RANBP10: variants seen among roughly 807,000 people sequenced by gnomAD.
The protein encoded by RANBP10 is RAN binding protein 10.
RANBP10 carries 24 observed loss-of-function variants against 72.8 expected under a neutral mutation model. The observed-to-expected ratio is 0.33, with a 90% CI of 0.24 to 0.46. RANBP10 has a LOEUF of 0.46. Among genes scored for constraint, RANBP10 ranks in the 20% least tolerant of loss-of-function variants. The probability of loss-of-function intolerance (pLI) is 1.00; values close to 1 mark genes in which losing one functional copy is unlikely to be tolerated. For synonymous variants in RANBP10, 310 were observed against 322.3 expected (o/e 0.96, Z 0.41); for missense variants, 679 against 817.5 (o/e 0.83, Z 2.07).
intron 2 of RANBP10, among the ~76,000 whole-genome samples, chr16:67,777,687 C>A (rs73591976): frequency 0.14 from 21,476 of 152,138 alleles, 1,728 homozygotes; most frequent in African/African-American, 0.21. Context: ...GTTAAGATGT[C>A]AATACTACCC....
At chr16:67,782,141 T>C (rs1005051022) in intron 2 of RANBP10, among the ~76,000 whole-genome samples, 8 of 152,224 alleles carry the variant, frequency 5.3e-5, no homozygotes, top group South Asian at 2.1e-4. Flanking sequence ...TTTTAATTTC[T>C]ATTTTTAGTT....
At chr16:67,792,146 C>T (rs1477480059) in intron 2 of RANBP10, among the ~76,000 whole-genome samples, 2 of 152,056 alleles carry the variant, frequency 1.3e-5, no homozygotes, top group African/African-American at 2.4e-5. Context: ...CAACCATACC[C>T]GCCCCTGCCC....
chr16:67,764,408 T>C (rs1291236223), intron 3 of RANBP10, among the ~76,000 whole-genome samples: 1 of 152,006 alleles, frequency 6.6e-6, no homozygotes, highest in Non-Finnish European at 1.5e-5. Flanking sequence ...CTAACAACAC[T>C]GAGACTCAGT....
rs1394195166 is a variant in RANBP10, at chr16:67,723,735, T to C, written c.*2693A>G. 1.3e-5 allele frequency: 2 copies of C among 152,286 alleles called. No individual in the cohort carries two copies. The highest frequency in any genetic ancestry group is 4.8e-5 in the African/African-American group (2 of 41,452). 9.4% of individuals were successfully genotyped at this position (152,286 alleles called of 1,614,324 possible). A position where few individuals can be genotyped will look rare whatever the true frequency, so the allele number is the denominator to read the frequency against. On this transcript the variant is annotated 3_prime_UTR_variant, in exon 14 of 14. Coordinates refer to ENST00000317506, the MANE Select transcript of RANBP10 (RefSeq NM_020850.3). Reference sequence around the variant, plus strand: ...AAGCCAGGTCTTCCTCCTGCCTCCATGGGTCAGGTCCAGCCCTTCACCAGG... The same window carrying C: ...AAGCCAGGTCTTCCTCCTGCCTCCACGGGTCAGGTCCAGCCCTTCACCAGG...
intron 3 of RANBP10, among the ~76,000 whole-genome samples, chr16:67,770,189 A>T (rs907653960): frequency 6.6e-6 from 1 of 152,172 alleles, no homozygotes; most frequent in African/African-American, 2.4e-5. Flanking sequence ...CTTGACAGGA[A>T]ATTATTTTTC....
At position 67,769,725 on chromosome 16, in the gene RANBP10, G is replaced by C. The variant is rs549222751; in HGVS notation, c.400+2309C>G. On this transcript the variant is annotated intron_variant, in intron 3 of 13. Coordinates refer to ENST00000317506, the MANE Select transcript of RANBP10 (RefSeq NM_020850.3). ...CTCGCCACTGCACTCCAGCCTGGGC[G>C]AAAGAGCAAGACTCCGTCTCAAAAA... 1.4e-4 allele frequency among the ~76,000 whole-genome samples: 12 copies of C among 88,046 alleles called. No homozygotes were observed. The South Asian group carries it at 4.9e-3, about 36-fold the overall frequency. The allele number at this position is 88,046 out of a possible 152,430, so 57.8% of individuals were successfully genotyped here.
At chr16:67,755,937 G>A (rs2054278960) in intron 3 of RANBP10, among the ~76,000 whole-genome samples, 1 of 152,182 alleles carries the variant, frequency 6.6e-6, no homozygotes, top group South Asian at 2.1e-4. Flanking sequence ...GCCCGGCCAT[G>A]TCAGGTACTA....
chr16:67,778,315 C>T (rs1431484281), intron 2 of RANBP10, among the ~76,000 whole-genome samples: 3 of 151,924 alleles, frequency 2.0e-5, no homozygotes, highest in Non-Finnish European at 2.9e-5. Context: ...CGCCACTGCA[C>T]TCCAGCCCAG....
chr16:67,734,825 G>T, intron 6 of RANBP10, 33 bp downstream of exon 6: 1 of 1,517,758 alleles, frequency 6.6e-7, no homozygotes, highest in African/African-American at 1.4e-5. Flanking sequence ...GGGGTGGGGT[G>T]GGAGTGGGTA....
intron 2 of RANBP10, among the ~76,000 whole-genome samples, chr16:67,777,226 A>G (rs2054723200): frequency 6.7e-6 from 1 of 149,870 alleles, no homozygotes; most frequent in Admixed American, 6.7e-5. Flanking sequence ...CAAAAAAAAG[A>G]AAAAAAATAC....
At chr16:67,795,144 G>A (rs568783142) in intron 2 of RANBP10, among the ~76,000 whole-genome samples, 1 of 152,052 alleles carries the variant, frequency 6.6e-6, no homozygotes, top group Non-Finnish European at 1.5e-5. Flanking sequence ...CAGCTACTCA[G>A]GAGGCTGAGG....
At position 67,725,345 on chromosome 16, in the gene RANBP10, ATGG is replaced by A. The variant is rs778339688; in HGVS notation, c.*1080_*1082del. ...TCCATTCTCTCAGAGCTGTGCAGAG[ATGG>A]TGAAGATCTAGGCAGGAAGAAAGCA... On this transcript the variant is annotated 3_prime_UTR_variant, in exon 14 of 14. Transcript: ENST00000317506. 1 of 152,454 alleles carries A rather than the reference ATGG, an allele frequency of 6.6e-6. No individual in the cohort carries two copies. The highest frequency in any genetic ancestry group is 1.5e-5 in the Non-Finnish European group (1 of 68,054). The allele number at this position is 152,454 out of a possible 1,614,324, so 9.4% of individuals were successfully genotyped here.
intron 3 of RANBP10, among the ~76,000 whole-genome samples, chr16:67,750,853 G>A (rs560245598): frequency 1.5e-5 from 2 of 137,222 alleles, no homozygotes; most frequent in African/African-American, 5.5e-5. Context: ...TGCAAGCTCC[G>A]CCTCCCAGGT....
rs138212046 is a variant in RANBP10 at position 67,743,607 on chromosome 16, C to T, written c.568+681G>A. The stretch of plus-strand genomic sequence containing the variant: ...CTGGGTTTCTTCTCCTGGTTAACAA[C>T]AGTACTAATCCAGCCATTTTCTCAC... On this transcript the variant is annotated intron_variant, in intron 4 of 13. Transcript: ENST00000317506. 6.9e-4 allele frequency among the ~76,000 whole-genome samples: 105 copies of T among 152,282 alleles called. 1 individual carries two copies. Among genetic ancestry groups the T allele is most frequent in the Middle Eastern group, 3.4e-3 (1 of 294 alleles).
At chr16:67,782,699 C>G (rs2054835314) in intron 2 of RANBP10, among the ~76,000 whole-genome samples, 1 of 151,766 alleles carries the variant, frequency 6.6e-6, no homozygotes, top group Non-Finnish European at 1.5e-5. Context: ...GTAATCCGCC[C>G]AGCTCGGCTT....
intron 3 of RANBP10, among the ~76,000 whole-genome samples, chr16:67,765,612 G>A (rs866481029): frequency 3.9e-5 from 6 of 152,172 alleles, no homozygotes; most frequent in East Asian, 1.9e-4. Flanking sequence ...TGAGGTGGGC[G>A]GATCACGAGG....
intron 2 of RANBP10, among the ~76,000 whole-genome samples, chr16:67,782,403 A>C (rs1567707578): frequency 6.6e-6 from 1 of 151,972 alleles, no homozygotes; most frequent in African/African-American, 2.4e-5. Flanking sequence ...CTTGGATTAC[A>C]AGTGTGAGCC....
intron 2 of RANBP10, among the ~76,000 whole-genome samples, chr16:67,795,500 T>C (rs1039328297): frequency 2.1e-5 from 3 of 144,262 alleles, no homozygotes; most frequent in African/African-American, 7.8e-5. Flanking sequence ...GATCGTGCCA[T>C]TGTACTCCAG....
chr16:67,736,447 C>G lies in RANBP10; in HGVS notation c.592-1405G>C, dbSNP rs530796913. On this transcript the variant is annotated intron_variant, in intron 5 of 13. Transcript: ENST00000317506. ...AAGTGCTAGGATCACAAGCGTGAGC[C>G]AGCGCGCCTGGCCAACCATGCATTT... Among the ~76,000 whole-genome samples the G allele has an allele frequency of 7.1e-4, 108 of 152,326 alleles. 1 individual carries two copies. The South Asian group carries it at 0.014, about 19-fold the overall frequency.
Sources: allele counts gnomAD v4.1 joint callset (sites outside exome capture counted in the v4.1 genomes callset), GRCh38; gene constraint gnomAD v4.1.1; transcripts MANE v1.5; gene names NCBI Gene and HGNC (gene_info 2026-07-23, HGNC 2026-07-21).